The following WDR49 variants were observed in gnomAD, a reference collection of about 807,000 sequenced individuals.
WDR49 encodes the protein cilia- and flagella-associated protein 337.
In WDR49, 107 loss-of-function variants were observed where a neutral mutation model predicts 119.5. The observed-to-expected ratio is 0.90, with a 90% confidence interval of 0.77 to 1.05. WDR49 has a LOEUF of 1.05. Among genes scored for constraint, WDR49 ranks in the 50% least tolerant of loss-of-function variants. The pLI is 0.00. For synonymous variants in WDR49, 425 were observed against 418.8 expected (o/e 1.01, Z -0.18); for missense variants, 1,240 against 1,220.5 (o/e 1.02, Z -0.24).
intron 7 of WDR49, among the ~76,000 whole-genome samples, chr3:167,590,626 T>C (rs889456043): frequency 6.6e-6 from 1 of 152,114 alleles, no homozygotes; most frequent in Non-Finnish European, 1.5e-5. Flanking sequence ...TGGTTCAATC[T>C]TGGTAGTTCG....
intron 18 of WDR49, among the ~76,000 whole-genome samples, chr3:167,497,990 T>C (rs7627747): frequency 0.5 from 75,722 of 151,592 alleles, 19,348 homozygotes; most frequent in African/African-American, 0.62. Context: ...AACAGGCACG[T>C]GCTACCATGC....
intron 11 of WDR49, among the ~76,000 whole-genome samples, chr3:167,534,722 T>C (rs1553863675): frequency 2.0e-5 from 3 of 152,166 alleles, no homozygotes; most frequent in Non-Finnish European, 4.4e-5. Context: ...GCAATCTGTC[T>C]CTATAAATTG....
chr3:167,639,670 GTCAGAAAGAC>G (rs1236766390), intron 2 of WDR49, among the ~76,000 whole-genome samples: 1 of 151,724 alleles, frequency 6.6e-6, no homozygotes, highest in Non-Finnish European at 1.5e-5. Flanking sequence ...AACATAAAAA[GTCAGAAAGAC>G]TCTAATCCAG....
intron 7 of WDR49, 89 bp downstream of exon 7, chr3:167,602,038 A>G (rs1338069975): frequency 7.0e-7 from 1 of 1,426,696 alleles, no homozygotes; most frequent in African/African-American, 1.4e-5. Flanking sequence ...AACTGACACG[A>G]TCTCTCAGAG....
chr3:167,493,124 C>T (rs1214723614), intron 18 of WDR49, among the ~76,000 whole-genome samples: 1 of 152,288 alleles, frequency 6.6e-6, no homozygotes, highest in East Asian at 1.9e-4. Flanking sequence ...TCCAGGTTCT[C>T]TGTGCTCCTC....
intron 18 of WDR49, among the ~76,000 whole-genome samples, chr3:167,498,134 C>T (rs544146261): frequency 6.6e-6 from 1 of 152,250 alleles, no homozygotes; most frequent in African/African-American, 2.4e-5. Context: ...GCCACCGCGC[C>T]CAGCCCCCAT....
chr3:167,567,360 A>G (rs760744930), intron 8 of WDR49, among the ~76,000 whole-genome samples: 2 of 152,188 alleles, frequency 1.3e-5, no homozygotes, highest in African/African-American at 2.4e-5. Flanking sequence ...CCCAAAATTC[A>G]TATCTTGAAA....
At chr3:167,627,997 T>C (rs1450830413) in intron 2 of WDR49, among the ~76,000 whole-genome samples, 1 of 152,084 alleles carries the variant, frequency 6.6e-6, no homozygotes, top group East Asian at 1.9e-4. Flanking sequence ...ATTATTATTA[T>C]ATCTGTTATG....
rs1490653149 is a variant in WDR49 at position 167,631,181 on chromosome 3, G to A, written c.166-3889C>T. ...AACCTAATGTAAATGATGAGTTGAT[G>A]GGTGCAGCAAACCAACATGGCACAT... is the stretch of plus-strand genomic sequence containing the variant. On this transcript the variant is annotated intron_variant, in intron 2 of 18. Coordinates refer to ENST00000682715, the MANE Select transcript of WDR49 (RefSeq NM_001366157.1). Among the ~76,000 whole-genome samples, 4 of 152,132 alleles carry A rather than the reference G, an allele frequency of 2.6e-5. No homozygotes were observed. In the East Asian group the frequency reaches 5.8e-4, roughly 22 times the overall value.
intron 2 of WDR49, among the ~76,000 whole-genome samples, chr3:167,634,275 A>G (rs182826459): frequency 6.6e-6 from 1 of 152,078 alleles, no homozygotes; most frequent in East Asian, 1.9e-4. Context: ...GCCATTAGAA[A>G]ACATAATCTC....
chr3:167,614,777 T>C (rs74348632), intron 5 of WDR49, among the ~76,000 whole-genome samples: 1,870 of 152,338 alleles, frequency 0.012, 33 homozygotes, highest in African/African-American at 0.043. Context: ...TGCTCATGTG[T>C]TTCTTTCTTT....
At chr3:167,617,101 G>C (rs1716632968) in intron 5 of WDR49, among the ~76,000 whole-genome samples, 1 of 152,158 alleles carries the variant, frequency 6.6e-6, no homozygotes, top group South Asian at 2.1e-4. Flanking sequence ...TGCCAAAATT[G>C]AGAACCTTGC....
chr3:167,515,886 C>T (rs750608747), intron 16 of WDR49, among the ~76,000 whole-genome samples: 219 of 152,048 alleles, frequency 1.4e-3, no homozygotes, highest in Non-Finnish European at 2.6e-3. Flanking sequence ...CATTAACAAT[C>T]GCTACAGAGA....
intron 18 of WDR49, among the ~76,000 whole-genome samples, chr3:167,483,351 T>C (rs562276361): frequency 4.1e-4 from 63 of 152,326 alleles, no homozygotes; most frequent in South Asian, 2.5e-3. Flanking sequence ...TTCTGTTTTA[T>C]TGAGATTTGT....
At chr3:167,592,677 C>T (rs1157603491) in intron 7 of WDR49, among the ~76,000 whole-genome samples, 2 of 152,090 alleles carry the variant, frequency 1.3e-5, no homozygotes, top group Non-Finnish European at 2.9e-5. Flanking sequence ...TCACGATCCT[C>T]CCACGTCAGT....
chr3:167,600,648 G>A (rs937431188), intron 7 of WDR49, among the ~76,000 whole-genome samples: 17 of 152,168 alleles, frequency 1.1e-4, no homozygotes, highest in African/African-American at 4.1e-4. Context: ...TATCAGTACA[G>A]TATGATACCT....
rs751754016 is a variant in WDR49, at chr3:167,536,906, A to G, written c.1918T>C (p.Cys640Arg). 2.9e-5 allele frequency: 45 copies of G among 1,545,666 alleles called. No individual in the cohort carries two copies. The highest frequency in any genetic ancestry group is 2.3e-4 in the Admixed American group (12 of 51,466). Residue 640 changes from cysteine (C) to arginine (R), a missense_variant, in exon 11 of 19, where the codon TGT (cysteine) becomes CGT (arginine). Transcript: ENST00000682715. ...GGIQHHDDIL[C>R]AAFLPPQTLV... ...GTTTGTGGAGGTAAAAACGCAGCAC[A>G]CAAGATGTCATCATGGTGCTGTATA...
At chr3:167,636,870 T>C (rs1717645773) in intron 2 of WDR49, among the ~76,000 whole-genome samples, 1 of 151,858 alleles carries the variant, frequency 6.6e-6, no homozygotes, top group Non-Finnish European at 1.5e-5. Flanking sequence ...TTTGTTTGAG[T>C]TCATTGTAGA....
At chr3:167,633,245 C>A (rs1343193667) in intron 2 of WDR49, among the ~76,000 whole-genome samples, 2 of 151,954 alleles carry the variant, frequency 1.3e-5, no homozygotes, top group Non-Finnish European at 2.9e-5. Context: ...ACTGTACCAG[C>A]AGAATGGTCT....
Sources: gnomAD v4.1 joint callset for allele counts (sites outside exome capture counted in the v4.1 genomes callset) on GRCh38, gnomAD v4.1.1 for gene constraint, MANE v1.5 for transcripts, NCBI Gene and HGNC (gene_info 2026-07-23, HGNC 2026-07-21) for gene names.